GC: variants seen among roughly 807,000 people sequenced by gnomAD.
The protein encoded by GC is GC vitamin D binding protein.
Under a neutral mutation model 56.7 loss-of-function variants are expected in GC, and 43 were observed. The ratio of observed to expected loss-of-function variants is 0.76; its 90% confidence interval spans 0.59 to 0.98. The LOEUF is 0.98. GC is among the 50% of genes least tolerant of loss of function. The pLI is 0.00. For synonymous variants in GC, 216 were observed against 202.7 expected, an observed-to-expected ratio of 1.07 and a Z score of -0.56; for missense variants, 529 against 545.9, an observed-to-expected ratio of 0.97 and a Z score of 0.31.
chr4:71,763,422 C>A lies in GC; in HGVS notation c.687G>T (p.Lys229Asn), dbSNP rs111261486. 6.3e-7 allele frequency: 1 copy of A among 1,584,040 alleles called. No individual in the cohort carries two copies. Among genetic ancestry groups the A allele is most frequent in the South Asian group, 1.1e-5 (1 of 90,328 alleles). ...VCSQYAAYGE[K>N]KSRLSNLIKL... The stretch of plus-strand genomic sequence containing the variant: ...TTAATCTTTACCTGAGCCTTGATTT[C>A]TTCTCCCCATAAGCAGCATATTGTG... Residue 229 changes from lysine to asparagine, a missense_variant, in exon 6 of 13, where the codon AAG becomes AAT. Physicochemically the swap from Lys to Asn is moderately conservative, Grantham distance 94. Transcript: ENST00000273951.
Position 71,784,047 on chromosome 4 carries a change from C to A in GC, c.-29G>T. 1 of 1,596,722 alleles carries A rather than the reference C, an allele frequency of 6.3e-7. No individual in the cohort carries two copies. The highest frequency in any genetic ancestry group is 2.2e-5 in the East Asian group (1 of 44,566). ...TCTACCAGAGAGTCTTGCAGCACCT[C>A]CTCTCTCCTGTAGGTGACCATGTAA... On this transcript the variant is annotated 5_prime_UTR_variant, in exon 1 of 13. An upstream open reading frame in the 5' UTR gains an earlier in-frame stop. Coordinates refer to ENST00000273951, the MANE Select transcript of GC (RefSeq NM_000583.4).
At chr4:71,755,394 C>T (rs1439173108) in intron 8 of GC, among the ~76,000 whole-genome samples, 2 of 151,992 alleles carry the variant, frequency 1.3e-5, no homozygotes, top group Admixed American at 6.6e-5. Flanking sequence ...AACTTCTGAC[C>T]TCAAGTGATT....
At chr4:71,785,588 C>A (rs1399414870), upstream of GC, among the ~76,000 whole-genome samples, 1 of 151,704 alleles carries the variant, frequency 6.6e-6, no homozygotes, top group Admixed American at 6.6e-5. Flanking sequence ...CAGATCAAAG[C>A]ACAAGTATTT....
chr4:71,764,603 T>C (rs1369990226), intron 4 of GC, among the ~76,000 whole-genome samples: 3 of 152,256 alleles, frequency 2.0e-5, no homozygotes, highest in East Asian at 3.9e-4. Context: ...TCTATCTCAG[T>C]TTATTACTTT....
In GC at chr4:71,753,255, A is replaced by C. The variant is rs1389281170; in HGVS notation, c.1263-605T>G. ...TCTCGGCGTCTCTCCACTCCCATGAACAACTCAGCCTGGTTTTATGACTTT... is the reference window on the plus strand; with the variant it reads ...TCTCGGCGTCTCTCCACTCCCATGACCAACTCAGCCTGGTTTTATGACTTT... On this transcript the variant is annotated intron_variant, in intron 10 of 12. Coordinates refer to ENST00000273951, the MANE Select transcript of GC (RefSeq NM_000583.4). 2.0e-5 allele frequency among the ~76,000 whole-genome samples: 3 copies of C among 152,146 alleles called. No homozygotes were observed. In the East Asian group the frequency reaches 5.8e-4, roughly 29 times the overall value.
At chr4:71,796,191 G>A (rs185073986) in intron 1 of GC, among the ~76,000 whole-genome samples, 263 of 152,234 alleles carry the variant, frequency 1.7e-3, no homozygotes, top group African/African-American at 6.0e-3. Context: ...TGTATTTCCC[G>A]AATTTGAATG....
intron 9 of GC, 105 bp from the exon 10 acceptor site, chr4:71,754,613 A>G (rs1330915667): frequency 5.7e-6 from 4 of 697,776 alleles, no homozygotes; most frequent in African/African-American, 5.5e-5. Context: ...AGCATTGGCA[A>G]CTATTTTCTA....
At chr4:71,780,540 A>G (rs1296082321) in intron 1 of GC, among the ~76,000 whole-genome samples, 1 of 152,138 alleles carries the variant, frequency 6.6e-6, no homozygotes, top group African/African-American at 2.4e-5. Flanking sequence ...TTTATAAGAA[A>G]AAAACAAACA....
intron 1 of GC, among the ~76,000 whole-genome samples, chr4:71,794,685 C>G (rs1199686876): frequency 2.0e-5 from 3 of 152,000 alleles, no homozygotes; most frequent in Non-Finnish European, 4.4e-5. Context: ...TTAGTTATTC[C>G]TTGCCTTCTG....
At chr4:71,743,927 A>G (rs1342790169) in intron 12 of GC, among the ~76,000 whole-genome samples, 2 of 152,234 alleles carry the variant, frequency 1.3e-5, no homozygotes, top group African/African-American at 4.8e-5. Flanking sequence ...CAGATGATCA[A>G]AATGTATTTG....
At chr4:71,764,662 T>C (rs1050002713) in intron 4 of GC, among the ~76,000 whole-genome samples, 3 of 152,210 alleles carry the variant, frequency 2.0e-5, no homozygotes, top group African/African-American at 7.2e-5. Context: ...AAATAATTTC[T>C]ATTTCTGGGA....
At chr4:71,798,208 T>A (rs1482106053) in intron 1 of GC, among the ~76,000 whole-genome samples, 1 of 152,244 alleles carries the variant, frequency 6.6e-6, no homozygotes, top group Non-Finnish European at 1.5e-5. Context: ...TCTATTCACT[T>A]GACTATATTT....
chr4:71,767,589 T>C (rs1742196487), intron 3 of GC, among the ~76,000 whole-genome samples: 1 of 148,928 alleles, frequency 6.7e-6, no homozygotes, highest in South Asian at 2.1e-4. Context: ...TTAGAATTCT[T>C]TCAAGAGGTT....
At chr4:71,799,716 C>T (rs1194500722) in intron 1 of GC, among the ~76,000 whole-genome samples, 4 of 152,146 alleles carry the variant, frequency 2.6e-5, no homozygotes, top group Admixed American at 2.6e-4. Flanking sequence ...CATACTCTAG[C>T]ATAGAGAGCT....
At chr4:71,795,795 C>T (rs1743086769) in intron 1 of GC, among the ~76,000 whole-genome samples, 1 of 152,262 alleles carries the variant, frequency 6.6e-6, no homozygotes, top group Admixed American at 6.5e-5. Flanking sequence ...TGGCTGGAAC[C>T]AGTTGTTCCT....
chr4:71,753,194 A>G (rs190107301), intron 10 of GC, among the ~76,000 whole-genome samples: 1 of 152,104 alleles, frequency 6.6e-6, no homozygotes, highest in African/African-American at 2.4e-5. Flanking sequence ...ATAAGACTTG[A>G]TATCTCCTGA....
At chr4:71,792,015 A>G (rs1364802195) in intron 1 of GC, among the ~76,000 whole-genome samples, 2 of 152,274 alleles carry the variant, frequency 1.3e-5, no homozygotes, top group Middle Eastern at 6.8e-3. Flanking sequence ...TTATGGCTGC[A>G]TAGTATTCCA....
At chr4:71,751,308 A>G (rs900044001) in intron 11 of GC, among the ~76,000 whole-genome samples, 2 of 152,124 alleles carry the variant, frequency 1.3e-5, no homozygotes, top group African/African-American at 4.8e-5. Flanking sequence ...GTCTACTAAC[A>G]ATGGGCCCAC....
chr4:71,771,714 G>GAA (rs1742348383), intron 1 of GC, among the ~76,000 whole-genome samples: 1 of 152,112 alleles, frequency 6.6e-6, no homozygotes, highest in Admixed American at 6.6e-5. Flanking sequence ...TTCACATCTT[G>GAA]TACATTTTCT....
Sources: allele counts gnomAD v4.1 joint callset (sites outside exome capture counted in the v4.1 genomes callset), GRCh38; gene constraint gnomAD v4.1.1; transcripts MANE v1.5; gene names NCBI Gene and HGNC (gene_info 2026-07-23, HGNC 2026-07-21).